The following GALK2 variants were observed in gnomAD, a reference collection of about 807,000 sequenced individuals.
The protein encoded by GALK2 is galactokinase 2.
A neutral mutation model predicts 52.4 loss-of-function variants in GALK2; 36 were observed. The observed-to-expected ratio is 0.69, with a 90% confidence interval of 0.53 to 0.91. GALK2 has a LOEUF of 0.91. GALK2 is among the 40% of genes least tolerant of loss of function. The pLI, the probability that GALK2 is intolerant of heterozygous loss-of-function variation, is 0.00. For missense variants in GALK2, 579 were observed against 559.1 expected, an observed-to-expected ratio of 1.04 and a Z score of -0.36; for synonymous variants, 176 against 199.1, an observed-to-expected ratio of 0.88 and a Z score of 0.98.
chr15:49,236,382 A>G (rs1241551582), intron 4 of GALK2, among the ~76,000 whole-genome samples: 1 of 152,194 alleles, frequency 6.6e-6, no homozygotes, highest in Non-Finnish European at 1.5e-5. Context: ...TGTCATTGCT[A>G]TCCTGACAAA....
chr15:49,315,876 C>T (rs1484304162), intron 8 of GALK2, among the ~76,000 whole-genome samples: 3 of 152,132 alleles, frequency 2.0e-5, no homozygotes, highest in Admixed American at 2.0e-4. Context: ...ATCAAAGCAC[C>T]AGTCCTGGGT....
In GALK2 at chr15:49,281,987, G is replaced by A; in HGVS notation, c.505G>A (p.Val169Met). The A allele has an allele frequency of 3.7e-6, 6 of 1,611,480 alleles. No homozygotes were observed. The highest frequency in any genetic ancestry group is 5.1e-6 in the Non-Finnish European group (6 of 1,178,178). ...LTVLGRNLSK[V>M]ELAEICAKSE... ...TACAAATCAGTTTTTACCTTTCCAG[G>A]TGGAACTTGCAGAAATCTGTGCCAA... is the stretch of plus-strand genomic sequence containing the variant. The change falls in exon 6 of 10, where the codon GTG becomes ATG. Residue 169 changes from valine (V) to methionine (M), a missense_variant and splice_region_variant. By Grantham distance (21) the Val-to-Met change is conservative (BLOSUM62 1). Coordinates refer to ENST00000560031, the MANE Select transcript of GALK2 (RefSeq NM_002044.4).
At chr15:49,238,439 T>G (rs996514374) in intron 4 of GALK2, among the ~76,000 whole-genome samples, 2 of 152,226 alleles carry the variant, frequency 1.3e-5, no homozygotes, top group African/African-American at 4.8e-5. Context: ...GTGGCTGAAT[T>G]CTAATTTGAC....
intron 3 of GALK2, chr15:49,366,336 T>C: frequency 1.3e-6 from 1 of 786,684 alleles, no homozygotes; most frequent in Non-Finnish European, 2.4e-6. Context: ...AGGATACTGT[T>C]ATTGACAACC....
intron 1 of GALK2, among the ~76,000 whole-genome samples, chr15:49,189,662 A>AAT (rs1179100006): frequency 6.6e-6 from 1 of 152,134 alleles, no homozygotes; most frequent in Admixed American, 6.6e-5. Context: ...CAAGCACTGC[A>AAT]ATATAGAGAC....
chr15:49,173,320 A>G (rs931657029), intron 1 of GALK2, among the ~76,000 whole-genome samples: 5 of 152,182 alleles, frequency 3.3e-5, no homozygotes, highest in Admixed American at 3.3e-4. Context: ...TCAACAATTG[A>G]TGGACATTTG....
chr15:49,243,319 A>G (rs191141413), intron 5 of GALK2, among the ~76,000 whole-genome samples: 127 of 152,288 alleles, frequency 8.3e-4, no homozygotes, highest in Non-Finnish European at 5.7e-4. Flanking sequence ...ATTAGAGGAC[A>G]TTCTGCATCT....
At chr15:49,259,625 A>T (rs1476397279) in intron 5 of GALK2, among the ~76,000 whole-genome samples, 3 of 147,404 alleles carry the variant, frequency 2.0e-5, no homozygotes, top group African/African-American at 7.6e-5. Context: ...CATGTGCACA[A>T]TGTGCAGGTT....
chr15:49,236,420 T>C (rs977521422), intron 4 of GALK2, among the ~76,000 whole-genome samples: 1 of 151,584 alleles, frequency 6.6e-6, no homozygotes, highest in Admixed American at 6.6e-5. Flanking sequence ...ACATAAAGCT[T>C]GATGGTAGCC....
At chr15:49,299,537 C>T (rs2034781367) in intron 8 of GALK2, among the ~76,000 whole-genome samples, 1 of 151,992 alleles carries the variant, frequency 6.6e-6, no homozygotes, top group South Asian at 2.1e-4. Context: ...CTATAAATTT[C>T]CTCTTAACAC....
At chr15:49,285,338 T>C (rs1235662290) in intron 7 of GALK2, among the ~76,000 whole-genome samples, 1 of 152,196 alleles carries the variant, frequency 6.6e-6, no homozygotes, top group African/African-American at 2.4e-5. Context: ...TTGCTATTTC[T>C]TTTTAGTTTT....
downstream of GALK2, chr15:49,334,443 G>A (rs1026870392): frequency 1.3e-5 from 2 of 154,766 alleles, no homozygotes; most frequent in Non-Finnish European, 2.8e-5. Context: ...TTAGTGTAAA[G>A]AACCCCTCAG....
intron 2 of GALK2, among the ~76,000 whole-genome samples, chr15:49,213,690 G>T (rs2089130184): frequency 6.6e-6 from 1 of 152,046 alleles, no homozygotes; most frequent in Non-Finnish European, 1.5e-5. Flanking sequence ...CGATGTTATA[G>T]TTATAAGGTA....
At chr15:49,265,223 A>G (rs973477646) in intron 5 of GALK2, among the ~76,000 whole-genome samples, 2 of 152,110 alleles carry the variant, frequency 1.3e-5, no homozygotes, top group Admixed American at 1.3e-4. Flanking sequence ...GGTGGGCTCC[A>G]CCCAGTTCTA....
At chr15:49,264,435 G>A (rs146310183) in intron 5 of GALK2, among the ~76,000 whole-genome samples, 28,204 of 151,642 alleles carry the variant, frequency 0.19, 2,785 homozygotes, top group South Asian at 0.21. Flanking sequence ...TCCTTTAAGC[G>A]CTTCTCTGTA....
intron 8 of GALK2, among the ~76,000 whole-genome samples, chr15:49,297,216 T>C (rs1236188393): frequency 6.6e-6 from 1 of 152,200 alleles, no homozygotes; most frequent in Non-Finnish European, 1.5e-5. Context: ...TTGTTGGCCA[T>C]GTGTATGTCT....
intron 8 of GALK2, among the ~76,000 whole-genome samples, chr15:49,297,212 G>A (rs2034557114): frequency 6.6e-6 from 1 of 152,032 alleles, no homozygotes; most frequent in African/African-American, 2.4e-5. Context: ...ATGCTTGTTG[G>A]CCATGTGTAT....
At chr15:49,367,656 TA>T in exon 4 of GALK2, 1 of 1,485,462 alleles carries the variant, frequency 6.7e-7, no homozygotes, top group Non-Finnish European at 9.0e-7. Context: ...TTTGTGTTTC[TA>T]AAAAACTGTG....
At chr15:49,196,842 C>T (rs551572500) in intron 1 of GALK2, among the ~76,000 whole-genome samples, 59 of 152,284 alleles carry the variant, frequency 3.9e-4, no homozygotes, top group African/African-American at 1.3e-3. Context: ...TAAGAAATAT[C>T]CTTCTGGTAG....
Sources: allele counts gnomAD v4.1 joint callset (sites outside exome capture counted in the v4.1 genomes callset), GRCh38; gene constraint gnomAD v4.1.1; transcripts MANE v1.5; gene names NCBI Gene and HGNC (gene_info 2026-07-23, HGNC 2026-07-21).